HTATIP2: variants seen among roughly 807,000 people sequenced by gnomAD.
The protein encoded by HTATIP2 is protein HTATIP2.
A neutral mutation model predicts 24.7 loss-of-function variants in HTATIP2; 26 were observed. That is an observed-to-expected ratio of 1.05 (90% confidence interval 0.77 to 1.46). HTATIP2 has a LOEUF of 1.46. Among genes scored for constraint, HTATIP2 ranks in the 40% most tolerant of loss-of-function variants. The pLI, the probability that HTATIP2 is intolerant of heterozygous loss-of-function variation, is 0.00. For synonymous variants in HTATIP2, 99 were observed against 113.2 expected (o/e 0.87, Z 0.79); for missense variants, 284 against 289.6 (o/e 0.98, Z 0.14).
intron 4 of HTATIP2, 119 bp downstream of exon 4, chr11:20,382,358 G>A: frequency 1.6e-6 from 1 of 630,730 alleles, no homozygotes; most frequent in South Asian, 2.1e-5. Context: ...ACATTGGCTA[G>A]AGGTAGATTG....
chr11:20,371,849 T>C (rs547145699), intron 2 of HTATIP2, among the ~76,000 whole-genome samples: 5 of 152,324 alleles, frequency 3.3e-5, no homozygotes, highest in Admixed American at 3.3e-4. Context: ...ATTTTATTTA[T>C]CTATCCAGAA....
chr11:20,376,332 G>GT, intron 2 of HTATIP2: 2 of 482,738 alleles, frequency 4.1e-6, no homozygotes, highest in Non-Finnish European at 7.2e-6. Flanking sequence ...TGGTGTCTGT[G>GT]TTTCAATGTC....
chr11:20,363,958 C>T lies in HTATIP2; in HGVS notation c.-280C>T. 8.8e-6 allele frequency: 11 copies of T among 1,243,192 alleles called. No individual in the cohort carries two copies. Among genetic ancestry groups the T allele is most frequent in the Non-Finnish European group, 1.1e-5 (11 of 991,808 alleles). The allele number at this position is 1,243,192 out of a possible 1,614,324, so 77.0% of individuals were successfully genotyped here. A position where few individuals can be genotyped will look rare whatever the true frequency, so the allele number is the denominator to read the frequency against. ...ACCGAGCTGGGCCAGGTCTCCTGGC[C>T]GGGCCGGGGATACCGTGGGGTATGC... On this transcript the variant is annotated 5_prime_UTR_variant, in exon 1 of 5. Coordinates refer to ENST00000451739, the MANE Select transcript of HTATIP2 (RefSeq NM_001098522.2).
intron 2 of HTATIP2, among the ~76,000 whole-genome samples, chr11:20,370,950 A>G (rs1242576858): frequency 6.6e-6 from 1 of 152,176 alleles, no homozygotes; most frequent in Admixed American, 6.5e-5. Flanking sequence ...CACCCGGCCT[A>G]TATTTTTAAC....
chr11:20,376,494 T>C (rs1350869279), intron 2 of HTATIP2, 86 bp from the exon 3 acceptor site: 2 of 1,461,620 alleles, frequency 1.4e-6, no homozygotes, highest in African/African-American at 2.8e-5. Flanking sequence ...CTTCTAGGCC[T>C]CCCAGCCTGC....
At chr11:20,368,945 G>A (rs1169303823) in intron 2 of HTATIP2, among the ~76,000 whole-genome samples, 1 of 152,098 alleles carries the variant, frequency 6.6e-6, no homozygotes, top group Non-Finnish European at 1.5e-5. Context: ...AGCAAGAATA[G>A]ACTAATGAGC....
At chr11:20,364,982 GTTTTT>G (rs67369711) in intron 1 of HTATIP2, among the ~76,000 whole-genome samples, 1 of 138,564 alleles carries the variant, frequency 7.2e-6, no homozygotes, top group Non-Finnish European at 1.5e-5. Context: ...TAAGTTAAAG[GTTTTT>G]TTTTTTTTTT....
intron 3 of HTATIP2, among the ~76,000 whole-genome samples, chr11:20,380,732 G>A (rs1349117661): frequency 6.7e-6 from 1 of 150,318 alleles, no homozygotes; most frequent in African/African-American, 2.4e-5. Flanking sequence ...GTGTATGACT[G>A]TTCATAGCAG....
At chr11:20,382,396 TAGAA>T (rs752451368) in intron 4 of HTATIP2, among the ~76,000 whole-genome samples, 157 bp downstream of exon 4, 2 of 152,324 alleles carry the variant, frequency 1.3e-5, no homozygotes, top group East Asian at 3.9e-4. Flanking sequence ...CCTTTTTGCT[TAGAA>T]AGAAAGGGTA....
At position 20,367,232 on chromosome 11, in the gene HTATIP2, A is replaced by G. The variant is rs775383257; in HGVS notation, c.254A>G (p.His85Arg). The change falls in exon 2 of 5, where the codon CAT becomes CGT. Residue 85 changes from histidine (H) to arginine (R), a missense_variant. Coordinates refer to ENST00000451739, the MANE Select transcript of HTATIP2 (RefSeq NM_001098522.2). ...GACTACGCCTCTGCCTTTCAAGGTCATGATGTTGGATTCTGTTGCCTGGGT... is the reference window on the plus strand; with the variant it reads ...GACTACGCCTCTGCCTTTCAAGGTCGTGATGTTGGATTCTGTTGCCTGGGT... ...LDDYASAFQG[H>R]DVGFCCLGTT... The G allele has an allele frequency of 1.9e-6, 3 of 1,614,142 alleles. No homozygotes were observed. Among genetic ancestry groups the G allele is most frequent in the African/African-American group, 1.3e-5 (1 of 75,062 alleles).
chr11:20,383,652 T>C lies in HTATIP2; in HGVS notation c.*447T>C. 1 of 165,706 alleles carries C rather than the reference T, an allele frequency of 6.0e-6. No homozygotes were observed. Among genetic ancestry groups the C allele is most frequent in the Non-Finnish European group, 1.3e-5 (1 of 76,376 alleles). The allele number at this position is 165,706 out of a possible 1,614,324, so 10.3% of individuals were successfully genotyped here. The stretch of plus-strand genomic sequence containing the variant: ...TGTCTCTGAGTTACAAAAGTGCTAA[T>C]TCACTACATGTAATTGTGTAAGTAA... On this transcript the variant is annotated 3_prime_UTR_variant, in exon 5 of 5. Transcript: ENST00000451739.
chr11:20,370,719 G>T (rs192124878), intron 2 of HTATIP2, among the ~76,000 whole-genome samples: 2 of 152,010 alleles, frequency 1.3e-5, no homozygotes. Flanking sequence ...GCGCAATCTC[G>T]GCTCACTGCA....
At chr11:20,376,743 A>C in intron 3 of HTATIP2, 26 bp downstream of exon 3, 1 of 1,585,554 alleles carries the variant, frequency 6.3e-7, no homozygotes, top group Non-Finnish European at 8.6e-7. Context: ...TGTTTTTCAT[A>C]CACTTTGGAG....
chr11:20,368,442 T>G (rs951917672), intron 2 of HTATIP2, among the ~76,000 whole-genome samples: 2 of 152,200 alleles, frequency 1.3e-5, no homozygotes, highest in Non-Finnish European at 2.9e-5. Context: ...GGAACACAGC[T>G]GGGATTGGAG....
At chr11:20,376,910 C>G (rs1019526260) in intron 3 of HTATIP2, among the ~76,000 whole-genome samples, 193 bp downstream of exon 3, 5 of 152,170 alleles carry the variant, frequency 3.3e-5, no homozygotes, top group African/African-American at 1.2e-4. Flanking sequence ...GTCTTCCTCT[C>G]TATTAATTAT....
intron 2 of HTATIP2, among the ~76,000 whole-genome samples, chr11:20,371,813 A>T (rs1044515594): frequency 1.5e-4 from 23 of 152,242 alleles, no homozygotes; most frequent in African/African-American, 5.5e-4. Flanking sequence ...ATATAGATTG[A>T]CCCAGGAATC....
At chr11:20,367,044 T>A in intron 1 of HTATIP2, 130 bp from the exon 2 acceptor site, 1 of 1,071,186 alleles carries the variant, frequency 9.3e-7, no homozygotes, top group Non-Finnish European at 1.3e-6. Context: ...AGAAAAGGAA[T>A]TTGTAAAATT....
intron 4 of HTATIP2, 117 bp from the exon 5 acceptor site, chr11:20,382,863 C>T: frequency 1.4e-6 from 1 of 712,866 alleles, no homozygotes; most frequent in Non-Finnish European, 2.3e-6. Context: ...GGGATTAGGG[C>T]TTCAACATTA....
At chr11:20,378,462 C>T (rs1848475451) in intron 3 of HTATIP2, among the ~76,000 whole-genome samples, 1 of 151,980 alleles carries the variant, frequency 6.6e-6, no homozygotes, top group African/African-American at 2.4e-5. Flanking sequence ...GGGATCAGGC[C>T]CAACTTGTTT....
Sources: gnomAD v4.1 joint callset for allele counts (sites outside exome capture counted in the v4.1 genomes callset) on GRCh38, gnomAD v4.1.1 for gene constraint, MANE v1.5 for transcripts, NCBI Gene and HGNC (gene_info 2026-07-23, HGNC 2026-07-21) for gene names.